Variants in SLC24A1 observed in about 807,000 individuals in gnomAD.
SLC24A1 encodes solute carrier family 24 member 1, also known as sodium/potassium/calcium exchanger 1.
In SLC24A1, 52 loss-of-function variants were observed where a neutral mutation model predicts 88.1. That is an observed-to-expected ratio of 0.59 (90% confidence interval 0.47 to 0.74). The LOEUF (loss-of-function observed/expected upper bound fraction) is 0.74. Among genes scored for constraint, SLC24A1 ranks in the 30% least tolerant of loss-of-function variants. SLC24A1 has a pLI of 0.00. For missense variants in SLC24A1, 1,173 were observed against 1,363.3 expected (o/e 0.86, Z 2.20); for synonymous variants, 455 against 498.0 (o/e 0.91, Z 1.15).
chr15:65,659,207 T>C (rs2075769565), downstream of SLC24A1: 1 of 151,370 alleles, frequency 6.6e-6, no homozygotes, highest in Non-Finnish European at 1.5e-5. Context: ...ACAGATGCTG[T>C]AGCAAAAGGG....
chr15:65,615,695 T>C lies in SLC24A1; in HGVS notation c.-228+3082T>C, dbSNP rs57098190. ...GACCCTGTCTCAAAAAAAATAATAA[T>C]TTGTGTCTATGGATAAAAATTCAAA... On this transcript the variant is annotated intron_variant, in intron 2 of 11. Coordinates refer to the SLC24A1 transcript ENST00000537259. 7.9e-3 allele frequency among the ~76,000 whole-genome samples: 1,207 copies of C among 152,146 alleles called. 19 individuals carry two copies. The highest frequency in any genetic ancestry group is 0.028 in the African/African-American group (1,164 of 41,518).
chr15:65,639,532 C>A, intron 3 of SLC24A1, 63 bp from the exon 4 acceptor site: 2 of 994,824 alleles, frequency 2.0e-6, no homozygotes, highest in South Asian at 1.4e-5. Flanking sequence ...GTTAGTGATG[C>A]CCTCGTGTGG....
Position 65,631,375 on chromosome 15 carries a change from A to T in SLC24A1, c.1890+5405A>T, listed in dbSNP as rs2074719137. 3.3e-5 allele frequency among the ~76,000 whole-genome samples: 5 copies of T among 152,226 alleles called. No individual in the cohort carries two copies. In the South Asian group the frequency reaches 1.0e-3, roughly 32 times the overall value. On this transcript the variant is annotated intron_variant, in intron 2 of 9. Coordinates refer to ENST00000261892, the MANE Select transcript of SLC24A1 (RefSeq NM_004727.3). ...TGAAAAACAAGTAAAATAAACTAAG[A>T]TGTTAATTTCAGCATATGACAAGTA... is the stretch of plus-strand genomic sequence containing the variant.
In SLC24A1 at chr15:65,625,156, C is replaced by T; in HGVS notation, c.1076C>T (p.Thr359Ile). The T allele has an allele frequency of 6.2e-7, 1 of 1,613,852 alleles. No individual in the cohort carries two copies. The highest frequency in any genetic ancestry group is 8.5e-7 in the Non-Finnish European group (1 of 1,179,896). The change falls in exon 2 of 10, where the codon ACA becomes ATA. Residue 359 changes from threonine to isoleucine, a missense_variant. Transcript: ENST00000261892. Reference sequence around the variant, plus strand: ...AGGACCAGTGTATCAGCCATCAAAACAGCCCCAGCCATAGTCTGGAGGCTG... The same window carrying T: ...AGGACCAGTGTATCAGCCATCAAAATAGCCCCAGCCATAGTCTGGAGGCTG... Reference protein sequence around the residue: ...SPRTSVSAIKTAPAIVWRLAK... With the variant: ...SPRTSVSAIKIAPAIVWRLAK...
intron 6 of SLC24A1, 36 bp downstream of exon 6, chr15:65,645,739 A>C: frequency 2.1e-6 from 3 of 1,454,230 alleles, no homozygotes; most frequent in Non-Finnish European, 1.9e-6. Context: ...AAAATTGGAG[A>C]GGTCTAGGGA....
chr15:65,649,529 TTCA>T (rs1239605845), intron 6 of SLC24A1, among the ~76,000 whole-genome samples: 1 of 152,058 alleles, frequency 6.6e-6, no homozygotes, highest in Non-Finnish European at 1.5e-5. Context: ...AAATCCCAAC[TTCA>T]TCACTTATAA....
chr15:65,631,046 G>A (rs1369571224), intron 2 of SLC24A1, among the ~76,000 whole-genome samples: 1 of 151,878 alleles, frequency 6.6e-6, no homozygotes, highest in Non-Finnish European at 1.5e-5. Context: ...GGTGCCAGCA[G>A]ATGACAAAAT....
chr15:65,645,483 A>T, intron 5 of SLC24A1, 129 bp from the exon 6 acceptor site: 1 of 723,218 alleles, frequency 1.4e-6, no homozygotes, highest in South Asian at 1.5e-5. Flanking sequence ...CCAACAAGAA[A>T]TTCCCCCAAA....
At chr15:65,657,560 G>C (rs960093807), downstream of SLC24A1, among the ~76,000 whole-genome samples, 1 of 152,148 alleles carries the variant, frequency 6.6e-6, no homozygotes, top group Non-Finnish European at 1.5e-5. Flanking sequence ...GGAGAATGGC[G>C]TGAACCCCGG....
At chr15:65,646,436 C>G (rs1438955807) in intron 6 of SLC24A1, among the ~76,000 whole-genome samples, 1 of 151,506 alleles carries the variant, frequency 6.6e-6, no homozygotes, top group East Asian at 1.9e-4. Flanking sequence ...CCTAGAATGC[C>G]TTTTCTCCTC....
intron 2 of SLC24A1, among the ~76,000 whole-genome samples, chr15:65,615,207 A>AAAACAAACAAAC (rs540023763): frequency 1.2e-3 from 178 of 151,990 alleles, no homozygotes; most frequent in African/African-American, 4.0e-3. Context: ...CTTATCTCTA[A>AAAACAAACAAAC]AAACAAACAA....
At position 65,625,424 on chromosome 15, in the gene SLC24A1, G is replaced by A; in HGVS notation, c.1344G>A (p.Glu448=). 1 of 1,614,080 alleles carries A rather than the reference G, an allele frequency of 6.2e-7. No homozygotes were observed. Among genetic ancestry groups the A allele is most frequent in the Non-Finnish European group, 8.5e-7 (1 of 1,179,902 alleles). Residue 448 remains glutamate, a synonymous_variant, in exon 2 of 10, where the codon GAG becomes GAA. Coordinates refer to ENST00000261892, the MANE Select transcript of SLC24A1 (RefSeq NM_004727.3). ...ACCCCCCAGATCTGTTCAGTGTGGA[G>A]GAGCGGCGGCAGGGCTGGGTGGTCC... ...GEYPPDLFSV[E]ERRQGWVVLH...
chr15:65,625,542 C>T lies in SLC24A1; in HGVS notation c.1462C>T (p.Leu488=), dbSNP rs74021152. The change falls in exon 2 of 10, where the codon CTG becomes TTG. Residue 488 remains leucine (L), a synonymous_variant. Coordinates refer to ENST00000261892, the MANE Select transcript of SLC24A1 (RefSeq NM_004727.3). ...VPALGVITDK[L]QISEDVAGAT... is the part of the protein sequence containing the mutation. ...AGCCCTGGGTGTCATCACAGACAAGCTGCAGATCTCCGAGGATGTGGCAGG... is the reference window on the plus strand; with the variant it reads ...AGCCCTGGGTGTCATCACAGACAAGTTGCAGATCTCCGAGGATGTGGCAGG... 1.0e-4 allele frequency: 162 copies of T among 1,614,052 alleles called. No homozygotes were observed. The African/African-American group carries it at 1.9e-3, about 19-fold the overall frequency.
At chr15:65,630,579 T>C (rs1041080021) in intron 2 of SLC24A1, among the ~76,000 whole-genome samples, 7 of 152,244 alleles carry the variant, frequency 4.6e-5, no homozygotes, top group African/African-American at 1.4e-4. Flanking sequence ...GGGGTTCCCT[T>C]CTTCGACTCT....
At chr15:65,639,522 G>T in intron 3 of SLC24A1, 73 bp from the exon 4 acceptor site, 1 of 895,970 alleles carries the variant, frequency 1.1e-6, no homozygotes, top group Non-Finnish European at 1.8e-6. Context: ...AAGAGGCAAG[G>T]TTAGTGATGC....
At chr15:65,641,739 G>C (rs1374096172) in intron 4 of SLC24A1, among the ~76,000 whole-genome samples, 2 of 152,174 alleles carry the variant, frequency 1.3e-5, no homozygotes, top group African/African-American at 4.8e-5. Context: ...GGTCATCAGT[G>C]GCTACTCCCA....
chr15:65,645,687 A>G lies in SLC24A1; in HGVS notation c.2216A>G (p.Glu739Gly). The change falls in exon 6 of 10, where the codon GAG (glutamate) becomes GGG (glycine). Residue 739 changes from glutamate to glycine, a missense_variant. Coordinates refer to ENST00000261892, the MANE Select transcript of SLC24A1 (RefSeq NM_004727.3). ...PVPDIKGDQK[E>G]NPGGQEDVAE... ...CCAGACATCAAGGGAGATCAGAAGG[A>G]GAATCCAGGCGGTCAGGTAGGCACC... 1 of 1,575,224 alleles carries G rather than the reference A, an allele frequency of 6.3e-7. No homozygotes were observed. Among genetic ancestry groups the G allele is most frequent in the Non-Finnish European group, 8.6e-7 (1 of 1,160,276 alleles).
At chr15:65,616,072 G>A (rs1318221909) in intron 2 of SLC24A1, among the ~76,000 whole-genome samples, 2 of 151,930 alleles carry the variant, frequency 1.3e-5, no homozygotes, top group East Asian at 3.9e-4. Flanking sequence ...CCTTTTTTAT[G>A]GCTGCATAGT....
upstream of SLC24A1, among the ~76,000 whole-genome samples, chr15:65,617,284 C>T (rs368660842): frequency 1.5e-4 from 23 of 152,182 alleles, 1 homozygote; most frequent in East Asian, 2.7e-3. Context: ...GGTAGCTTGA[C>T]GGGGATGGCA....
Sources: allele counts gnomAD v4.1 joint callset (sites outside exome capture counted in the v4.1 genomes callset), GRCh38; gene constraint gnomAD v4.1.1; transcripts MANE v1.5; gene names NCBI Gene and HGNC (gene_info 2026-07-23, HGNC 2026-07-21).